Variants in MGST1 observed in about 807,000 individuals in gnomAD.
MGST1 encodes microsomal glutathione S-transferase 1.
A neutral mutation model predicts 8.9 loss-of-function variants in MGST1; 5 were observed. That is an observed-to-expected ratio of 0.56 (90% CI 0.29 to 1.19). MGST1 has a LOEUF of 1.19. Among genes scored for constraint, MGST1 ranks in the 50% most tolerant of loss-of-function variants. MGST1 has a pLI of 0.08. For missense variants in MGST1, 182 were observed against 187.4 expected (o/e 0.97, Z 0.17); for synonymous variants, 54 against 67.8 (o/e 0.80, Z 1.00).
At position 16,347,674 on chromosome 12, in the gene MGST1, G is replaced by A. The variant is rs1414401589; in HGVS notation, c.-59G>A. On this transcript the variant is annotated 5_prime_UTR_variant, in exon 1 of 4. Coordinates refer to ENST00000396210, the MANE Select transcript of MGST1 (RefSeq NM_020300.5). The surrounding 1 kb of genome is among the most constrained non-coding windows in gnomAD (Gnocchi z 4.0). ...CCTGCATTGCGCGCGACCCGGCGGCGGGACAGGCTTGCTGCTTCCTCCTCC... is the reference window on the plus strand; with the variant it reads ...CCTGCATTGCGCGCGACCCGGCGGCAGGACAGGCTTGCTGCTTCCTCCTCC... 1 of 152,452 alleles carries A rather than the reference G, an allele frequency of 6.6e-6. No homozygotes were observed. The highest frequency in any genetic ancestry group is 1.5e-5 in the Non-Finnish European group (1 of 68,302). 9.4% of individuals were successfully genotyped at this position (152,452 alleles called of 1,614,324 possible).
At chr12:16,381,172 T>C (rs1259589854), downstream of MGST1, among the ~76,000 whole-genome samples, 4 of 152,366 alleles carry the variant, frequency 2.6e-5, no homozygotes, top group Non-Finnish European at 5.9e-5. Flanking sequence ...GTGAATTTTT[T>C]CCTGTCATTA....
intron 4 of MGST1, among the ~76,000 whole-genome samples, chr12:16,481,995 A>G (rs1485285544): frequency 6.6e-6 from 1 of 152,236 alleles, no homozygotes; most frequent in Non-Finnish European, 1.5e-5. Context: ...GACTGGAGAG[A>G]AAAGACATTT....
intron 4 of MGST1, chr12:16,514,005 T>A: frequency 2.3e-6 from 1 of 429,928 alleles, no homozygotes; most frequent in Non-Finnish European, 4.6e-6. Context: ...GTCTTCTTCT[T>A]CTGCATGCTT....
Position 16,497,437 on chromosome 12 carries a change from G to A in MGST1, n.483-92091G>A, listed in dbSNP as rs1941478103. On this transcript the variant is annotated intron_variant and non_coding_transcript_variant, in intron 4 of 4. Coordinates refer to the MGST1 transcript ENST00000538857. This position sits in a 1 kb window ranked among gnomAD's most constrained non-coding sequence, Gnocchi z 4.4. The stretch of plus-strand genomic sequence containing the variant: ...GATCTGAAATCTAGAGAGAAGAGTG[G>A]AATGAAGACTGCACATTCTCACACT... 2.0e-5 allele frequency among the ~76,000 whole-genome samples: 3 copies of A among 152,124 alleles called. No individual in the cohort carries two copies. The highest frequency in any genetic ancestry group is 2.0e-4 in the Admixed American group (3 of 15,242).
At chr12:16,515,081 A>T (rs1941603253) in intron 4 of MGST1, among the ~76,000 whole-genome samples, 1 of 152,212 alleles carries the variant, frequency 6.6e-6, no homozygotes, top group South Asian at 2.1e-4. Flanking sequence ...TAGTTCTGTC[A>T]TGAACAGTTG....
intron 1 of MGST1, among the ~76,000 whole-genome samples, chr12:16,406,571 G>T (rs879401149): frequency 4.6e-5 from 7 of 152,106 alleles, no homozygotes; most frequent in Non-Finnish European, 1.0e-4. Context: ...CGGTTTTAAA[G>T]TTCATATGGA....
At chr12:16,404,260 C>T (rs1940682462) in intron 1 of MGST1, among the ~76,000 whole-genome samples, 2 of 152,078 alleles carry the variant, frequency 1.3e-5, no homozygotes, top group South Asian at 4.1e-4. Flanking sequence ...GTGACATTAG[C>T]TTCCTTTTAG....
chr12:16,572,832 T>G (rs940507010), intron 4 of MGST1, among the ~76,000 whole-genome samples: 5 of 151,644 alleles, frequency 3.3e-5, no homozygotes, highest in Non-Finnish European at 7.4e-5. Context: ...TAAAGTAATT[T>G]GCTCTAAGGA....
intron 4 of MGST1, among the ~76,000 whole-genome samples, chr12:16,561,703 TCA>T (rs1378837666): frequency 1.3e-5 from 2 of 152,236 alleles, no homozygotes; most frequent in Non-Finnish European, 2.9e-5. Context: ...ATATTCATTT[TCA>T]AGTTTATAAC....
intron 1 of MGST1, among the ~76,000 whole-genome samples, chr12:16,431,637 C>T (rs562024690): frequency 6.6e-6 from 1 of 152,034 alleles, no homozygotes; most frequent in South Asian, 2.1e-4. Context: ...AAAAGAATTG[C>T]AATAGTAACA....
intron 3 of MGST1, among the ~76,000 whole-genome samples, chr12:16,371,866 C>T (rs1024399294): frequency 6.6e-5 from 10 of 151,936 alleles, no homozygotes; most frequent in Non-Finnish European, 1.0e-4. Context: ...GAATAGAGAA[C>T]CCAGAAATAA....
At chr12:16,402,788 G>A (rs953293015) in intron 1 of MGST1, among the ~76,000 whole-genome samples, 1 of 151,500 alleles carries the variant, frequency 6.6e-6, no homozygotes, top group African/African-American at 2.4e-5. Flanking sequence ...ACTTTCACTT[G>A]TATTGATCTC....
At chr12:16,581,817 T>G (rs147935425) in intron 4 of MGST1, among the ~76,000 whole-genome samples, 1,558 of 152,212 alleles carry the variant, frequency 0.01, 12 homozygotes, top group Middle Eastern at 0.031. Context: ...TTACTACTCT[T>G]TATTAATTTC....
chr12:16,348,158 T>C (rs1006700327), intron 1 of MGST1, among the ~76,000 whole-genome samples: 15 of 152,216 alleles, frequency 9.9e-5, no homozygotes, highest in African/African-American at 3.6e-4. Flanking sequence ...ATGCCTATTG[T>C]AAGGCAGGAT....
At chr12:16,499,473 A>G (rs913434385) in intron 4 of MGST1, among the ~76,000 whole-genome samples, 2 of 152,064 alleles carry the variant, frequency 1.3e-5, no homozygotes, top group Admixed American at 6.6e-5. Context: ...TTTTTGTAGA[A>G]CTATGGCTCC....
Position 16,457,841 on chromosome 12 carries a change from T to A in MGST1, n.482+74237T>A, listed in dbSNP as rs1361914601. The stretch of plus-strand genomic sequence containing the variant: ...TTCATAATGAATGAAAAACAGCTAT[T>A]ATGATTGAAAACAAATTGCTCTGAA... On this transcript the variant is annotated intron_variant and non_coding_transcript_variant, in intron 4 of 4. Coordinates refer to the MGST1 transcript ENST00000538857. Among the ~76,000 whole-genome samples the A allele has an allele frequency of 2.6e-5, 4 of 151,976 alleles. No individual in the cohort carries two copies. In the East Asian group the frequency reaches 7.7e-4, roughly 29 times the overall value.
intron 4 of MGST1, among the ~76,000 whole-genome samples, chr12:16,487,170 T>C (rs1456328924): frequency 6.6e-6 from 1 of 152,148 alleles, no homozygotes; most frequent in Non-Finnish European, 1.5e-5. Context: ...AAAAAGCTTT[T>C]CCAGAATAAC....
chr12:16,499,460 T>G (rs541470194), intron 4 of MGST1, among the ~76,000 whole-genome samples: 1 of 152,298 alleles, frequency 6.6e-6, no homozygotes, highest in South Asian at 2.1e-4. Flanking sequence ...TTTGTTTCCC[T>G]GTTTTTTGTA....
intron 4 of MGST1, among the ~76,000 whole-genome samples, chr12:16,455,697 T>C (rs1283571887): frequency 1.3e-5 from 2 of 151,864 alleles, no homozygotes; most frequent in African/African-American, 4.8e-5. Context: ...TCATCATCTA[T>C]TGCTATGGTT....
Sources: gnomAD v4.1 joint callset for allele counts (sites outside exome capture counted in the v4.1 genomes callset) on GRCh38, gnomAD v4.1.1 for gene constraint, Gnocchi (gnomAD v3.1) non-coding constraint, MANE v1.5 for transcripts, NCBI Gene and HGNC (gene_info 2026-07-23, HGNC 2026-07-21) for gene names.